The following CDH18 variants were observed in gnomAD, a reference collection of about 807,000 sequenced individuals.
The protein encoded by CDH18 is cadherin 18.
CDH18 carries 31 observed loss-of-function variants against 67.9 expected under a neutral mutation model. That is an observed-to-expected ratio of 0.46 (90% CI 0.34 to 0.62). The LOEUF is 0.62. Among genes scored for constraint, CDH18 ranks in the 20% least tolerant of loss-of-function variants. The pLI is 0.01. For missense variants in CDH18, 890 were observed against 975.5 expected, an observed-to-expected ratio of 0.91 and a Z score of 1.17; for synonymous variants, 362 against 347.2, an observed-to-expected ratio of 1.04 and a Z score of -0.48.
chr5:19,751,628 A>G (rs1770856067), intron 3 of CDH18, among the ~76,000 whole-genome samples: 2 of 152,180 alleles, frequency 1.3e-5, no homozygotes. Flanking sequence ...AAATCAATCC[A>G]ACTGTTAATA....
chr5:19,721,484 C>T lies in CDH18; in HGVS notation c.524-18G>A, dbSNP rs1254906038. ...AGAGGTACCTGTGCATTCAGGAAAACAAATTTTAGTGTGTGATGGCATTTA... is the reference window on the plus strand; with the variant it reads ...AGAGGTACCTGTGCATTCAGGAAAATAAATTTTAGTGTGTGATGGCATTTA... On this transcript the variant is annotated intron_variant, in intron 4 of 12. Transcript: ENST00000382275. The T allele has an allele frequency of 1.9e-6, 3 of 1,599,166 alleles. No homozygotes were observed. Among genetic ancestry groups the T allele is most frequent in the Admixed American group, 1.7e-5 (1 of 58,126 alleles).
intron 1 of CDH18, among the ~76,000 whole-genome samples, chr5:20,432,763 T>C (rs1389129065): frequency 6.6e-6 from 1 of 151,940 alleles, no homozygotes; most frequent in African/African-American, 2.4e-5. Context: ...CTTAACTGCT[T>C]CTTTAAAGGC....
At chr5:20,175,954 T>C (rs1737198990) in intron 2 of CDH18, among the ~76,000 whole-genome samples, 1 of 152,186 alleles carries the variant, frequency 6.6e-6, no homozygotes. Context: ...GTATTAACCA[T>C]TACAAGCTAT....
intron 1 of CDH18, among the ~76,000 whole-genome samples, chr5:20,459,956 C>A (rs1270123199): frequency 6.6e-6 from 1 of 152,132 alleles, no homozygotes; most frequent in East Asian, 1.9e-4. Context: ...TGAATAGATT[C>A]TCTCCTTCAC....
At chr5:19,686,379 ATAG>A (rs1241989693) in intron 5 of CDH18, among the ~76,000 whole-genome samples, 1 of 152,148 alleles carries the variant, frequency 6.6e-6, no homozygotes, top group Non-Finnish European at 1.5e-5. Flanking sequence ...TTTTTATGTG[ATAG>A]TAGGTTTTGG....
intron 2 of CDH18, among the ~76,000 whole-genome samples, chr5:20,076,711 C>A (rs973020005): frequency 4.6e-5 from 7 of 152,092 alleles, no homozygotes; most frequent in Admixed American, 1.3e-4. Flanking sequence ...GACAAGTTCG[C>A]ATTTCTGTCT....
At chr5:19,511,659 A>G (rs1409579733) in intron 10 of CDH18, among the ~76,000 whole-genome samples, 3 of 152,272 alleles carry the variant, frequency 2.0e-5, no homozygotes, top group Admixed American at 2.0e-4. Context: ...TTTGAACTTG[A>G]GAGAGATGAT....
At chr5:19,574,744 TA>T (rs11296304) in intron 7 of CDH18, among the ~76,000 whole-genome samples, 19,854 of 148,426 alleles carry the variant, frequency 0.13, 2,000 homozygotes, top group African/African-American at 0.29. Context: ...CTTTCTTAGT[TA>T]AAAAAAAAAA....
At chr5:20,272,516 G>A (rs958231417) in intron 1 of CDH18, among the ~76,000 whole-genome samples, 1 of 151,742 alleles carries the variant, frequency 6.6e-6, no homozygotes, top group South Asian at 2.1e-4. Context: ...TAGAACAATG[G>A]ATGGAAATAC....
chr5:19,962,568 G>A (rs6892668), intron 2 of CDH18, among the ~76,000 whole-genome samples: 1 of 151,640 alleles, frequency 6.6e-6, no homozygotes, highest in Non-Finnish European at 1.5e-5. Context: ...GAGATCAGGA[G>A]TATGAAACCA....
chr5:20,040,369 G>A (rs1323388573), intron 2 of CDH18, among the ~76,000 whole-genome samples: 2 of 152,072 alleles, frequency 1.3e-5, no homozygotes, highest in Non-Finnish European at 2.9e-5. Flanking sequence ...GAGCCTCAGA[G>A]GCAGGAGAAA....
intron 1 of CDH18, among the ~76,000 whole-genome samples, chr5:20,330,154 T>A (rs1280172728): frequency 1.3e-5 from 2 of 152,218 alleles, no homozygotes; most frequent in Non-Finnish European, 2.9e-5. Flanking sequence ...TATCTTTTTT[T>A]AGTTGCTTAT....
intron 2 of CDH18, among the ~76,000 whole-genome samples, chr5:20,047,951 T>C (rs80252261): frequency 6.6e-6 from 1 of 151,780 alleles, no homozygotes. Flanking sequence ...TCACTTTCAG[T>C]ATTGAGTGAC....
chr5:19,593,707 C>CCTCCTTCTTCTTCTT lies in CDH18; in HGVS notation c.812-2464_812-2463insAAGAAGAAGAAGGAG. On this transcript the variant is annotated intron_variant, in intron 6 of 12. Coordinates refer to ENST00000382275, the MANE Select transcript of CDH18 (RefSeq NM_004934.5). Reference sequence around the variant, plus strand: ...TCCTTCTCTTCCTCTTCCTCCTCCTCCTTCTTCTTCTTCTTCTTCTTCTTC... The same window carrying CCTCCTTCTTCTTCTT: ...TCCTTCTCTTCCTCTTCCTCCTCCTCCTCCTTCTTCTTCTTCTTCTTCTTCTTCTTCTTCTTCTTC... Among the ~76,000 whole-genome samples the CCTCCTTCTTCTTCTT allele has an allele frequency of 8.2e-3, 273 of 33,344 alleles. 4 individuals are homozygous for CCTCCTTCTTCTTCTT. The highest frequency in any genetic ancestry group is 0.027 in the African/African-American group (229 of 8,576). 21.9% of individuals were successfully genotyped at this position (33,344 alleles called of 152,430 possible).
At chr5:19,741,573 CAATT>C (rs1322274083) in intron 4 of CDH18, among the ~76,000 whole-genome samples, 8 of 152,128 alleles carry the variant, frequency 5.3e-5, no homozygotes, top group African/African-American at 1.9e-4. Flanking sequence ...TTCAAGATGA[CAATT>C]AATATTTAAA....
upstream of CDH18, among the ~76,000 whole-genome samples, chr5:19,990,693 T>C (rs962044282): frequency 2.0e-5 from 3 of 152,124 alleles, no homozygotes; most frequent in African/African-American, 7.2e-5. Flanking sequence ...ACTGTGCCAA[T>C]TTTCCCTAGC....
At chr5:19,741,244 T>C (rs1769122902) in intron 4 of CDH18, among the ~76,000 whole-genome samples, 1 of 97,260 alleles carries the variant, frequency 1.0e-5, no homozygotes, top group East Asian at 3.1e-4. Flanking sequence ...TGTACATATA[T>C]GTATGTATAT....
intron 9 of CDH18, among the ~76,000 whole-genome samples, chr5:19,541,759 G>C (rs1750323419): frequency 1.3e-5 from 2 of 152,142 alleles, no homozygotes; most frequent in South Asian, 4.2e-4. Context: ...CCTCCCATTG[G>C]GTCCCTCCGA....
intron 1 of CDH18, among the ~76,000 whole-genome samples, chr5:20,309,365 C>T (rs1736786723): frequency 1.3e-5 from 2 of 152,206 alleles, no homozygotes; most frequent in South Asian, 2.1e-4. Context: ...CCCTCGTCCC[C>T]GTGGCACACT....
Sources: allele counts gnomAD v4.1 joint callset (sites outside exome capture counted in the v4.1 genomes callset), GRCh38; gene constraint gnomAD v4.1.1; transcripts MANE v1.5; gene names NCBI Gene and HGNC (gene_info 2026-07-23, HGNC 2026-07-21).